WDR7: variants seen among roughly 807,000 people sequenced by gnomAD.
The protein encoded by WDR7 is WD repeat domain 7.
WDR7 carries 46 observed loss-of-function variants against 169.4 expected under a neutral mutation model. That is an observed-to-expected ratio of 0.27 (90% confidence interval 0.21 to 0.35). The LOEUF (loss-of-function observed/expected upper bound fraction) is 0.35. Ranked by LOEUF, WDR7 falls within the 10% of genes least tolerant of loss-of-function variation. The pLI is 1.00. For missense variants in WDR7, 1,534 were observed against 1,859.3 expected (o/e 0.83, Z 3.22); for synonymous variants, 612 against 666.8 (o/e 0.92, Z 1.27).
rs1357227177 is a variant in WDR7, at chr18:56,923,677, T to TTTTATATATAATTAAATATAATTGTA, written c.3527-245_3527-244insTTTATATATAATTAAATATAATTGTA. 3.3e-5 allele frequency among the ~76,000 whole-genome samples: 5 copies of TTTTATATATAATTAAATATAATTGTA among 152,350 alleles called. No homozygotes were observed. In the East Asian group the frequency reaches 9.6e-4, roughly 29 times the overall value. ...TGATATGTTTTGAAATTATATATAC[T>TTTTATATATAATTAAATATAATTGTA]CATTTACGTACAATATGTAATTAAA... On this transcript the variant is annotated intron_variant, in intron 21 of 27. Transcript: ENST00000254442.
intron 13 of WDR7, among the ~76,000 whole-genome samples, chr18:56,726,520 T>G (rs1432286265): frequency 6.6e-6 from 1 of 152,224 alleles, no homozygotes; most frequent in Admixed American, 6.5e-5. Flanking sequence ...GAGACTTTGC[T>G]GAAGTTGCTT....
chr18:56,742,049 C>A (rs2043628649), intron 14 of WDR7, among the ~76,000 whole-genome samples: 1 of 152,172 alleles, frequency 6.6e-6, no homozygotes, highest in Admixed American at 6.5e-5. Flanking sequence ...TATAATTCAT[C>A]ATATTCTGAG....
chr18:56,980,712 A>T (rs1185776336), intron 26 of WDR7, among the ~76,000 whole-genome samples: 3 of 152,194 alleles, frequency 2.0e-5, no homozygotes, highest in Non-Finnish European at 4.4e-5. Context: ...GCTATGTGTA[A>T]TGAGTAAGGG....
intron 9 of WDR7, among the ~76,000 whole-genome samples, chr18:56,693,543 G>C (rs560664231): frequency 7.1e-6 from 1 of 140,784 alleles, no homozygotes; most frequent in South Asian, 2.5e-4. Context: ...GCACAAGCTT[G>C]ATAGTTCAAT....
intron 1 of WDR7, among the ~76,000 whole-genome samples, chr18:56,658,481 A>G (rs559576772): frequency 1.3e-5 from 2 of 152,324 alleles, no homozygotes; most frequent in Non-Finnish European, 2.9e-5. Flanking sequence ...CTCACTGAAG[A>G]TAGTTTTTTG....
Position 56,694,625 on chromosome 18 carries a change from A to C in WDR7, c.973A>C (p.Ile325Leu), listed in dbSNP as rs2025657127. The C allele has an allele frequency of 6.2e-7, 1 of 1,605,970 alleles. No homozygotes were observed. Among genetic ancestry groups the C allele is most frequent in the Non-Finnish European group, 8.5e-7 (1 of 1,175,890 alleles). Residue 325 changes from isoleucine to leucine, a missense_variant, in exon 10 of 28, where the codon ATT (isoleucine) becomes CTT (leucine). Transcript: ENST00000254442. ...CAAATACTTTTTTTGGCAGTTGCTAATTTGTCCTCCTGTTACTCGGTTCTT... is the reference window on the plus strand; with the variant it reads ...CAAATACTTTTTTTGGCAGTTGCTACTTTGTCCTCCTGTTACTCGGTTCTT... ...LLDRKDKELL[I>L]CPPVTRFFYG...
At position 56,816,100 on chromosome 18, in the gene WDR7, T is replaced by G. The variant is rs2044965126; in HGVS notation, c.3260T>G (p.Val1087Gly). The G allele has an allele frequency of 6.2e-7, 1 of 1,613,856 alleles. No individual in the cohort carries two copies. The highest frequency in any genetic ancestry group is 8.5e-7 in the Non-Finnish European group (1 of 1,179,918). ...APDASGPEAK[V>G]QEEEHDLVDD... ...GATGCCTCAGGGCCTGAAGCAAAAG[T>G]CCAGGAGGAAGAGCATGACCTTGTT... is the stretch of plus-strand genomic sequence containing the variant. The change falls in exon 20 of 28, where the codon GTC (valine) becomes GGC (glycine). Residue 1087 changes from valine to glycine, a missense_variant. Coordinates refer to ENST00000254442, the MANE Select transcript of WDR7 (RefSeq NM_015285.3).
chr18:56,924,502 T>A (rs1341249861), intron 22 of WDR7, among the ~76,000 whole-genome samples: 1 of 152,180 alleles, frequency 6.6e-6, no homozygotes, highest in Admixed American at 6.5e-5. Context: ...ACACTCATAT[T>A]AGCTTTTAAA....
intron 26 of WDR7, among the ~76,000 whole-genome samples, chr18:57,017,295 A>G (rs2048219020): frequency 6.6e-6 from 1 of 152,228 alleles, no homozygotes; most frequent in Non-Finnish European, 1.5e-5. Flanking sequence ...GCACTGCTTG[A>G]GCGGTGCTTG....
chr18:57,009,864 A>C, intron 26 of WDR7: 1 of 985,466 alleles, frequency 1.0e-6, no homozygotes, highest in South Asian at 4.7e-5. Context: ...AGGAGAGGTG[A>C]CAAAGGAGCG....
intron 5 of WDR7, among the ~76,000 whole-genome samples, chr18:56,684,638 C>G (rs187107023): frequency 1.3e-5 from 2 of 152,248 alleles, no homozygotes; most frequent in East Asian, 3.9e-4. Context: ...GTGGTGCAGG[C>G]CTGCACTAAA....
chr18:56,691,733 T>G lies in WDR7; in HGVS notation c.882T>G (p.Asp294Glu), dbSNP rs755539297. 6 of 1,610,298 alleles carry G rather than the reference T, an allele frequency of 3.7e-6. No homozygotes were observed. The highest frequency in any genetic ancestry group is 5.1e-6 in the Non-Finnish European group (6 of 1,179,084). Residue 294 changes from aspartate to glutamate, a missense_variant, in exon 9 of 28, where the codon GAT becomes GAG. Physicochemically the swap from Asp to Glu is conservative, Grantham distance 45. Coordinates refer to ENST00000254442, the MANE Select transcript of WDR7 (RefSeq NM_015285.3). ...TATTCAGTTGCCTTCCAGCTAGTGA[T>G]TCATTCCGCAGTGATGTGGGGAAGG... Reference protein sequence around the residue: ...KLPASCLPASDSFRSDVGKAV... With the variant: ...KLPASCLPASESFRSDVGKAV...
At chr18:56,769,311 C>A (rs577449380) in intron 16 of WDR7, among the ~76,000 whole-genome samples, 144 of 151,978 alleles carry the variant, frequency 9.5e-4, no homozygotes, top group African/African-American at 3.3e-3. Flanking sequence ...CCTCGACTTC[C>A]AGTCGAGGCT....
At chr18:56,676,283 G>A (rs1164044433) in intron 2 of WDR7, among the ~76,000 whole-genome samples, 3 of 151,974 alleles carry the variant, frequency 2.0e-5, no homozygotes, top group East Asian at 3.9e-4. Context: ...TGTGTTTCTT[G>A]TAGGCAAGAG....
intron 26 of WDR7, among the ~76,000 whole-genome samples, chr18:56,972,505 T>G (rs188906722): frequency 1.3e-5 from 2 of 152,330 alleles, no homozygotes; most frequent in East Asian, 3.9e-4. Context: ...TTCCTGCTCT[T>G]TTCAGCAGCT....
intron 26 of WDR7, chr18:57,009,951 C>T (rs954169082): frequency 8.1e-6 from 8 of 985,258 alleles, no homozygotes; most frequent in African/African-American, 1.7e-5. Context: ...TCAAAACCCA[C>T]GAAAATGCCA....
At chr18:56,729,953 A>C (rs1045921483) in intron 13 of WDR7, among the ~76,000 whole-genome samples, 3 of 152,230 alleles carry the variant, frequency 2.0e-5, no homozygotes, top group African/African-American at 7.2e-5. Flanking sequence ...TGAGGTTGAC[A>C]TCTTTTTGTA....
At position 57,029,568 on chromosome 18, in the gene WDR7, C is replaced by T; in HGVS notation, c.*2361C>T. On this transcript the variant is annotated 3_prime_UTR_variant, in exon 28 of 28. Transcript: ENST00000254442. ...TCACTGGCACTGTATTTGGACCTGT[C>T]CTTGTATATGTAGAGACATATGTGG... 1 of 151,928 alleles carries T rather than the reference C, an allele frequency of 6.6e-6. No individual in the cohort carries two copies. Among genetic ancestry groups the T allele is most frequent in the Non-Finnish European group, 1.5e-5 (1 of 68,012 alleles). 9.4% of individuals were successfully genotyped at this position (151,928 alleles called of 1,614,324 possible).
intron 12 of WDR7, among the ~76,000 whole-genome samples, chr18:56,711,709 T>C (rs1384600604): frequency 1.3e-5 from 2 of 152,132 alleles, no homozygotes; most frequent in East Asian, 3.8e-4. Context: ...CTTTTTTTTT[T>C]AAATGAAGTT....
Sources: gnomAD v4.1 joint callset for allele counts (sites outside exome capture counted in the v4.1 genomes callset) on GRCh38, gnomAD v4.1.1 for gene constraint, MANE v1.5 for transcripts, NCBI Gene and HGNC (gene_info 2026-07-23, HGNC 2026-07-21) for gene names.